Variants in SH3GL2 observed in about 807,000 individuals in gnomAD.
SH3GL2 encodes the protein endophilin-A1.
SH3GL2 carries 24 observed loss-of-function variants against 46.0 expected under a neutral mutation model. That is an observed-to-expected ratio of 0.52 (90% CI 0.38 to 0.73). The LOEUF is 0.73. SH3GL2 is among the 30% of genes least tolerant of loss of function. SH3GL2 has a pLI of 0.00. For missense variants in SH3GL2, 413 were observed against 424.2 expected (o/e 0.97, Z 0.23); for synonymous variants, 196 against 147.1 (o/e 1.33, Z -2.40).
chr9:17,624,797 GA>G (rs1819242907), intron 1 of SH3GL2, among the ~76,000 whole-genome samples: 1 of 152,190 alleles, frequency 6.6e-6, no homozygotes, highest in Admixed American at 6.5e-5. Flanking sequence ...TTTTAGTGGA[GA>G]AAGGGTATAG....
At chr9:17,608,818 C>T (rs2145658) in intron 1 of SH3GL2, among the ~76,000 whole-genome samples, 24,168 of 152,198 alleles carry the variant, frequency 0.16, 2,029 homozygotes, top group South Asian at 0.28. Context: ...CTGTAACGTA[C>T]AAGTGGAAAC....
At position 17,793,511 on chromosome 9, in the gene SH3GL2, C is replaced by T. The variant is rs757509174; in HGVS notation, c.859+14C>T. On this transcript the variant is annotated intron_variant, in intron 8 of 8. Transcript: ENST00000380607. ...CCAAACCTTCAGGTAAGAGCTGAAA[C>T]TGCAGATCCTATTGCATAGCCCTTG... 3.1e-6 allele frequency: 5 copies of T among 1,612,494 alleles called. No individual in the cohort carries two copies. The highest frequency in any genetic ancestry group is 4.2e-6 in the Non-Finnish European group (5 of 1,179,344).
chr9:17,769,713 A>C (rs980749628), intron 3 of SH3GL2, among the ~76,000 whole-genome samples: 1 of 152,028 alleles, frequency 6.6e-6, no homozygotes, highest in Non-Finnish European at 1.5e-5. Flanking sequence ...TTTCCTATCA[A>C]CATTTGGAAT....
intron 1 of SH3GL2, among the ~76,000 whole-genome samples, chr9:17,728,796 G>C (rs1407351498): frequency 6.6e-6 from 1 of 152,142 alleles, no homozygotes; most frequent in Non-Finnish European, 1.5e-5. Flanking sequence ...CTCTGCAAAG[G>C]ACATGAACTC....
At chr9:17,789,337 A>G (rs1824055852) in intron 5 of SH3GL2, 55 bp from the exon 6 acceptor site, 4 of 1,481,298 alleles carry the variant, frequency 2.7e-6, no homozygotes, top group South Asian at 2.3e-5. Context: ...GTGAGCTCAA[A>G]TAAGCCTTTT....
In SH3GL2 at chr9:17,678,829, T is replaced by C. The variant is rs201769975; in HGVS notation, c.46-68237T>C. On this transcript the variant is annotated intron_variant, in intron 1 of 8. Coordinates refer to ENST00000380607, the MANE Select transcript of SH3GL2 (RefSeq NM_003026.5). ...TTGTATAAGGTGTAAGGAAGGGATC[T>C]AGTTTCGGCTTTCTCCATATGGCTA... is the stretch of plus-strand genomic sequence containing the variant. Among the ~76,000 whole-genome samples the C allele has an allele frequency of 1.7e-3, 257 of 152,230 alleles. 1 individual carries two copies. Among genetic ancestry groups the C allele is most frequent in the Middle Eastern group, 0.014 (4 of 294 alleles).
intron 3 of SH3GL2, among the ~76,000 whole-genome samples, chr9:17,774,044 T>G (rs566507302): frequency 2.0e-4 from 31 of 152,166 alleles, no homozygotes; most frequent in Non-Finnish European, 3.8e-4. Context: ...GAGTATTTTA[T>G]TCTTTTTGAT....
intron 1 of SH3GL2, among the ~76,000 whole-genome samples, chr9:17,654,063 A>G (rs1447124923): frequency 2.0e-5 from 3 of 152,186 alleles, no homozygotes; most frequent in African/African-American, 7.2e-5. Flanking sequence ...TCTCATTAGC[A>G]GCTAGCTTCT....
chr9:17,756,070 G>A (rs1822980148), intron 2 of SH3GL2, among the ~76,000 whole-genome samples: 1 of 152,050 alleles, frequency 6.6e-6, no homozygotes, highest in African/African-American at 2.4e-5. Context: ...ACAACTCCTT[G>A]CCAATGCTGT....
In SH3GL2 at chr9:17,796,578, A is replaced by G. The variant is rs1024800638; in HGVS notation, c.*835A>G. The G allele has an allele frequency of 2.0e-5, 3 of 152,426 alleles. No homozygotes were observed. Among genetic ancestry groups the G allele is most frequent in the South Asian group, 2.1e-4 (1 of 4,826 alleles). The allele number at this position is 152,426 out of a possible 1,614,324, so 9.4% of individuals were successfully genotyped here. A position where few individuals can be genotyped will look rare whatever the true frequency, so the allele number is the denominator to read the frequency against. On this transcript the variant is annotated 3_prime_UTR_variant, in exon 9 of 9. Transcript: ENST00000380607. ...AAGGGGGAACAAATATCTTCACTTC[A>G]GTTTTATTTGTGAATTACATGTTTC...
intron 1 of SH3GL2, among the ~76,000 whole-genome samples, chr9:17,604,203 C>A (rs1278290474): frequency 6.6e-6 from 1 of 152,184 alleles, no homozygotes; most frequent in Non-Finnish European, 1.5e-5. Flanking sequence ...CCTTCAGTTT[C>A]CTGGAGAGGC....
chr9:17,709,028 T>C (rs1821550264), intron 1 of SH3GL2, among the ~76,000 whole-genome samples: 1 of 152,030 alleles, frequency 6.6e-6, no homozygotes, highest in Admixed American at 6.6e-5. Context: ...TGATATACTT[T>C]TATTTGTCAG....
At chr9:17,705,070 A>G (rs574968402) in intron 1 of SH3GL2, among the ~76,000 whole-genome samples, 1 of 152,236 alleles carries the variant, frequency 6.6e-6, no homozygotes, top group South Asian at 2.1e-4. Context: ...CCCCATTAAA[A>G]AATGCACAAA....
chr9:17,679,678 G>A (rs1462838781), intron 1 of SH3GL2, among the ~76,000 whole-genome samples: 1 of 152,194 alleles, frequency 6.6e-6, no homozygotes, highest in Non-Finnish European at 1.5e-5. Context: ...GAATAGGAGT[G>A]GTGAGAGAGG....
chr9:17,655,151 C>A (rs536843062), intron 1 of SH3GL2, among the ~76,000 whole-genome samples: 1 of 152,238 alleles, frequency 6.6e-6, no homozygotes, highest in East Asian at 1.9e-4. Context: ...AAGTGGAAAG[C>A]TGTAAGGGAA....
chr9:17,720,488 A>T (rs562881079), intron 1 of SH3GL2, among the ~76,000 whole-genome samples: 124 of 152,206 alleles, frequency 8.1e-4, no homozygotes, highest in Middle Eastern at 6.8e-3. Context: ...AGACAGCTGG[A>T]TTGGTTACAA....
In SH3GL2 at chr9:17,786,494, G is replaced by T; in HGVS notation, c.301G>T (p.Gly101Ter). ...ALLAEAMLKFGRELGDDCNFG... is the reference protein window; with the variant it reads ...ALLAEAMLKF ...GCTGGCAGAGGCCATGCTCAAATTT[G>T]GAAGAGAGCTTGGAGATGATTGCAA... Residue 101 changes from glycine to a stop codon, truncating the protein, a stop_gained, in exon 4 of 9, where the codon GGA (glycine) becomes TGA (stop). Coordinates refer to ENST00000380607, the MANE Select transcript of SH3GL2 (RefSeq NM_003026.5). LOFTEE classifies it high-confidence loss of function. 6.2e-7 allele frequency: 1 copy of T among 1,613,374 alleles called. No homozygotes were observed.
At chr9:17,652,248 T>A (rs1379613658) in intron 1 of SH3GL2, among the ~76,000 whole-genome samples, 1 of 152,130 alleles carries the variant, frequency 6.6e-6, no homozygotes, top group African/African-American at 2.4e-5. Context: ...TTGGCATGAG[T>A]TCTTCCCTTC....
chr9:17,707,505 C>A (rs1588260513), intron 1 of SH3GL2, among the ~76,000 whole-genome samples: 1 of 151,956 alleles, frequency 6.6e-6, no homozygotes, highest in South Asian at 2.1e-4. Context: ...TGTGATCTAC[C>A]TGTATTTTAC....
Sources: gnomAD v4.1 joint callset for allele counts (sites outside exome capture counted in the v4.1 genomes callset) on GRCh38, gnomAD v4.1.1 for gene constraint, MANE v1.5 for transcripts, NCBI Gene and HGNC (gene_info 2026-07-23, HGNC 2026-07-21) for gene names.